ARHGAP25: variants seen among roughly 807,000 people sequenced by gnomAD.
ARHGAP25 encodes the protein Rho GTPase activating protein 25, also known as rho GTPase-activating protein 25.
In ARHGAP25, 34 loss-of-function variants were observed where a neutral mutation model predicts 71.0. The observed-to-expected ratio is 0.48, with a 90% CI of 0.36 to 0.64. The LOEUF (loss-of-function observed/expected upper bound fraction) is 0.64. Among genes scored for constraint, ARHGAP25 ranks in the 30% least tolerant of loss-of-function variants. The pLI, the probability that ARHGAP25 is intolerant of heterozygous loss-of-function variation, is 0.00. For missense variants in ARHGAP25, 706 were observed against 805.1 expected (o/e 0.88, Z 1.49); for synonymous variants, 282 against 296.5 (o/e 0.95, Z 0.50).
chr2:68,725,998 CCTCCCCT>C (rs1170859136), intron 2 of ARHGAP25, among the ~76,000 whole-genome samples: 1 of 152,144 alleles, frequency 6.6e-6, no homozygotes, highest in Non-Finnish European at 1.5e-5. Context: ...ATGCAATCTC[CCTCCCCT>C]CTCCCCTCAA....
At chr2:68,792,241 A>T (rs1025610927) in intron 4 of ARHGAP25, among the ~76,000 whole-genome samples, 2 of 152,210 alleles carry the variant, frequency 1.3e-5, no homozygotes, top group African/African-American at 4.8e-5. Context: ...GTCCTGAAAC[A>T]GGTCCTATGT....
chr2:68,786,659 T>TG (rs1443325482), intron 3 of ARHGAP25, among the ~76,000 whole-genome samples: 1 of 152,144 alleles, frequency 6.6e-6, no homozygotes, highest in Non-Finnish European at 1.5e-5. Flanking sequence ...AATGACAAGA[T>TG]GGAGTCAGAA....
At chr2:68,746,372 C>A (rs901748685) in intron 1 of ARHGAP25, among the ~76,000 whole-genome samples, 1 of 152,170 alleles carries the variant, frequency 6.6e-6, no homozygotes, top group Non-Finnish European at 1.5e-5. Context: ...GAGGGTCCTG[C>A]TCTTTTCTTG....
intron 3 of ARHGAP25, among the ~76,000 whole-genome samples, chr2:68,783,944 T>C (rs1225572453): frequency 2.0e-5 from 3 of 152,190 alleles, no homozygotes; most frequent in East Asian, 1.9e-4. Flanking sequence ...CATGGTAACA[T>C]GTGTGTCCCA....
chr2:68,818,141 A>G, intron 8 of ARHGAP25, 147 bp downstream of exon 8: 1 of 1,126,280 alleles, frequency 8.9e-7, no homozygotes, highest in Non-Finnish European at 1.3e-6. Flanking sequence ...CTTGTGAGGT[A>G]GGCAGGGCAG....
intron 5 of ARHGAP25, among the ~76,000 whole-genome samples, chr2:68,808,060 GT>G (rs1325103726): frequency 6.6e-6 from 1 of 152,080 alleles, no homozygotes; most frequent in Admixed American, 6.5e-5. Context: ...TCCCAGCCCT[GT>G]TTGGGGCATA....
intron 2 of ARHGAP25, among the ~76,000 whole-genome samples, chr2:68,780,168 G>A (rs914865884): frequency 1.3e-5 from 2 of 152,220 alleles, no homozygotes; most frequent in Non-Finnish European, 2.9e-5. Context: ...AAGATTAGAT[G>A]TGCTGATACA....
chr2:68,776,322 C>T (rs1677917687), intron 2 of ARHGAP25, among the ~76,000 whole-genome samples: 1 of 152,012 alleles, frequency 6.6e-6, no homozygotes. Context: ...CTGAGGGCCA[C>T]AGGGAGGCAT....
intron 3 of ARHGAP25, among the ~76,000 whole-genome samples, chr2:68,785,738 C>G (rs183932812): frequency 6.6e-6 from 1 of 152,036 alleles, no homozygotes; most frequent in African/African-American, 2.4e-5. Context: ...GAAAAGGTAA[C>G]ATTTGAGTTG....
intron 2 of ARHGAP25, among the ~76,000 whole-genome samples, chr2:68,727,675 C>A (rs1246874863): frequency 6.6e-6 from 1 of 152,220 alleles, no homozygotes; most frequent in South Asian, 2.1e-4. Context: ...CTGATTTCTG[C>A]CTCTCCCTCC....
At chr2:68,742,237 T>C (rs1330851944) in intron 1 of ARHGAP25, among the ~76,000 whole-genome samples, 2 of 152,226 alleles carry the variant, frequency 1.3e-5, no homozygotes, top group African/African-American at 4.8e-5. Context: ...CCTTGTTGGT[T>C]TGGAGTTTCA....
intron 1 of ARHGAP25, 44 bp from the exon 2 acceptor site, chr2:68,775,177 C>T (rs773646667): frequency 1.9e-6 from 3 of 1,614,174 alleles, no homozygotes; most frequent in Middle Eastern, 1.6e-4. Flanking sequence ...TTGCTCACTG[C>T]CCCATGTCCC....
intron 1 of ARHGAP25, 165 bp from the exon 2 acceptor site, chr2:68,775,056 G>C (rs922785944): frequency 6.6e-7 from 1 of 1,525,346 alleles, no homozygotes; most frequent in Non-Finnish European, 8.8e-7. Flanking sequence ...TGCTTCTCTG[G>C]CTCGGGGGGG....
In ARHGAP25 at chr2:68,724,865, G is replaced by A. The variant is rs573802365; in HGVS notation, c.-18+14167G>A. The stretch of plus-strand genomic sequence containing the variant: ...TTCTGTCACGCCTGTCATCCAACCC[G>A]TTGGGAGAGCAGATAAGATTGATCC... On this transcript the variant is annotated intron_variant and NMD_transcript_variant, in intron 2 of 7. Transcript: ENST00000463483. Among the ~76,000 whole-genome samples, 4 of 152,238 alleles carry A rather than the reference G, an allele frequency of 2.6e-5. No homozygotes were observed. In the South Asian group the frequency reaches 6.2e-4, roughly 24 times the overall value.
chr2:68,759,790 C>T (rs1332813822), intron 1 of ARHGAP25, among the ~76,000 whole-genome samples: 1 of 151,760 alleles, frequency 6.6e-6, no homozygotes, highest in Admixed American at 6.6e-5. Flanking sequence ...AGAACTAATA[C>T]CAGTCTCTTT....
chr2:68,791,367 T>C (rs186520044), intron 4 of ARHGAP25, among the ~76,000 whole-genome samples: 47 of 152,322 alleles, frequency 3.1e-4, no homozygotes, highest in African/African-American at 1.1e-3. Flanking sequence ...GGTGAAAGAA[T>C]CAAGTCATTT....
intron 8 of ARHGAP25, among the ~76,000 whole-genome samples, chr2:68,818,821 A>G (rs7557267): frequency 0.9 from 137,035 of 152,264 alleles, 62,017 homozygotes; most frequent in East Asian, 0.99. Flanking sequence ...AGAGAAAGAT[A>G]TCTTCATTTT....
At chr2:68,782,595 G>A (rs950905183) in intron 3 of ARHGAP25, among the ~76,000 whole-genome samples, 1 of 152,200 alleles carries the variant, frequency 6.6e-6, no homozygotes, top group African/African-American at 2.4e-5. Context: ...GCCAGTTACT[G>A]TACAAGGCTC....
At chr2:68,774,690 C>A in intron 1 of ARHGAP25, 1 of 970,624 alleles carries the variant, frequency 1.0e-6, no homozygotes, top group Non-Finnish European at 1.2e-6. Context: ...CTGCGTTCCA[C>A]AGCGAGGTTG....
Sources: gnomAD v4.1 joint callset for allele counts (sites outside exome capture counted in the v4.1 genomes callset) on GRCh38, gnomAD v4.1.1 for gene constraint, MANE v1.5 for transcripts, NCBI Gene and HGNC (gene_info 2026-07-23, HGNC 2026-07-21) for gene names.